AMDHD1: variants seen among roughly 807,000 people sequenced by gnomAD.
AMDHD1 encodes amidohydrolase domain containing 1, also known as probable imidazolonepropionase.
A neutral mutation model predicts 44.1 loss-of-function variants in AMDHD1; 45 were observed. That is an observed-to-expected ratio of 1.02 (90% CI 0.80 to 1.31). AMDHD1 has a LOEUF of 1.31. Among genes scored for constraint, AMDHD1 ranks in the 50% most tolerant of loss-of-function variants. The probability of loss-of-function intolerance (pLI) is 0.00; values close to 1 mark genes in which losing one functional copy is unlikely to be tolerated. For missense variants in AMDHD1, 586 were observed against 552.1 expected (o/e 1.06, Z -0.61); for synonymous variants, 206 against 205.0 (o/e 1.00, Z -0.04).
intron 1 of AMDHD1, among the ~76,000 whole-genome samples, chr12:95,945,479 A>G (rs183099072): frequency 1.3e-5 from 2 of 152,362 alleles, no homozygotes; most frequent in African/African-American, 4.8e-5. Context: ...TAGAATTGGA[A>G]TAATTATCTG....
At chr12:95,964,927 G>GAAAAAAA (rs2080601230) in intron 6 of AMDHD1, among the ~76,000 whole-genome samples, 2 of 9,696 alleles carry the variant, frequency 2.1e-4, no homozygotes, top group Non-Finnish European at 3.5e-4. Flanking sequence ...GATGTTTGAG[G>GAAAAAAA]CAAAAAAAAA....
intron 6 of AMDHD1, 28 bp downstream of exon 6, chr12:95,962,507 G>A (rs1345857887): frequency 2.4e-5 from 37 of 1,565,064 alleles, no homozygotes; most frequent in Non-Finnish European, 3.0e-5. Context: ...CCCAGACCAA[G>A]AGCTGCAAGT....
rs188784651 is a variant in AMDHD1 at position 95,961,388 on chromosome 12, C to T, written c.813+765C>T. ...TTAATTCACTTATTCATCCTTTCAA[C>T]AAATATTTGAATGAATACTGTGTGC... On this transcript the variant is annotated intron_variant, in intron 5 of 8. Transcript: ENST00000266736. Among the ~76,000 whole-genome samples, 302 of 152,314 alleles carry T rather than the reference C, an allele frequency of 2.0e-3. 1 individual carries two copies. The highest frequency in any genetic ancestry group is 3.0e-3 in the Non-Finnish European group (207 of 68,026).
chr12:95,945,261 A>C (rs2080490048), intron 1 of AMDHD1, among the ~76,000 whole-genome samples: 2 of 152,140 alleles, frequency 1.3e-5, no homozygotes, highest in Non-Finnish European at 1.5e-5. Flanking sequence ...GAGGGAGCTG[A>C]CTTGTGGTCT....
intron 1 of AMDHD1, among the ~76,000 whole-genome samples, chr12:95,949,149 AAAAAAAAAAAG>A (rs1433641202): frequency 1.1e-4 from 2 of 18,748 alleles, no homozygotes; most frequent in Non-Finnish European, 1.7e-4. Context: ...TTAAAAAAAA[AAAAAAAAAAAG>A]AAAAAAAAAA....
chr12:95,943,409 G>T lies in AMDHD1; in HGVS notation c.11G>T (p.Gly4Val). Residue 4 changes from glycine (G) to valine (V), a missense_variant, in exon 1 of 9, where the codon GGC becomes GTC. Gly to Val is a moderately radical substitution (Grantham distance 109). Transcript: ENST00000266736. MAS[G>V]HSLLLENAQQ... is the part of the protein sequence containing the mutation. ...TCGGCGCGAGGCGACATGGCAAGCG[G>T]CCACAGCCTCCTGCTGGAGAACGCG... The T allele has an allele frequency of 6.7e-7, 1 of 1,500,028 alleles. No individual in the cohort carries two copies. The highest frequency in any genetic ancestry group is 1.2e-5 in the South Asian group (1 of 81,114). The allele number at this position is 1,500,028 out of a possible 1,614,324, so 92.9% of individuals were successfully genotyped here.
intron 1 of AMDHD1, among the ~76,000 whole-genome samples, chr12:95,947,783 T>C (rs1301556853): frequency 8.5e-3 from 300 of 35,332 alleles, no homozygotes; most frequent in Non-Finnish European, 8.9e-3. Context: ...GCCCCCCGCC[T>C]GGCCAGCCGC....
intron 4 of AMDHD1, among the ~76,000 whole-genome samples, chr12:95,958,115 T>C (rs948302680): frequency 3.5e-4 from 53 of 152,128 alleles, no homozygotes; most frequent in African/African-American, 1.2e-3. Flanking sequence ...AGCATGTTGT[T>C]TTAAAATATG....
chr12:95,951,141 G>T (rs1287091027), intron 1 of AMDHD1, among the ~76,000 whole-genome samples: 1 of 152,032 alleles, frequency 6.6e-6, no homozygotes, highest in Non-Finnish European at 1.5e-5. Flanking sequence ...ATTGCTGATT[G>T]TAGTCACCCT....
intron 8 of AMDHD1, 145 bp from the exon 9 acceptor site, chr12:95,967,611 G>T: frequency 1.7e-6 from 1 of 601,694 alleles, no homozygotes; most frequent in Non-Finnish European, 2.8e-6. Context: ...AGTTATATAC[G>T]GTTTTTTAGA....
chr12:95,947,811 T>G (rs1169223530), intron 1 of AMDHD1, among the ~76,000 whole-genome samples: 2 of 57,200 alleles, frequency 3.5e-5, no homozygotes, highest in Non-Finnish European at 6.9e-5. Flanking sequence ...GGGAGGGAGG[T>G]GGGGGGGTCA....
intron 6 of AMDHD1, among the ~76,000 whole-genome samples, chr12:95,962,731 T>C (rs978263477): frequency 1.3e-5 from 2 of 152,228 alleles, no homozygotes; most frequent in African/African-American, 4.8e-5. Flanking sequence ...TTTTTCTTTT[T>C]CTTTTTTTTC....
At chr12:95,955,018 A>T (rs2080543512) in intron 3 of AMDHD1, 43 bp downstream of exon 3, 2 of 1,592,660 alleles carry the variant, frequency 1.3e-6, no homozygotes, top group Non-Finnish European at 1.7e-6. Context: ...AAGCACAAAT[A>T]TGAAGTCTTT....
Position 95,967,866 on chromosome 12 carries a change from T to C in AMDHD1, c.*23T>C. 1 of 1,453,110 alleles carries C rather than the reference T, an allele frequency of 6.9e-7. No homozygotes were observed. Among genetic ancestry groups the C allele is most frequent in the South Asian group, 1.3e-5 (1 of 79,206 alleles). 90.0% of individuals were successfully genotyped at this position (1,453,110 alleles called of 1,614,324 possible). A position where few individuals can be genotyped will look rare whatever the true frequency, so the allele number is the denominator to read the frequency against. ...TGATAGATTTGAAAAGAGAAGACTTTTTGACTATATGAAATAAGTCAATAT... is the reference window on the plus strand; with the variant it reads ...TGATAGATTTGAAAAGAGAAGACTTCTTGACTATATGAAATAAGTCAATAT... On this transcript the variant is annotated 3_prime_UTR_variant, in exon 9 of 9. Coordinates refer to ENST00000266736, the MANE Select transcript of AMDHD1 (RefSeq NM_152435.3).
intron 1 of AMDHD1, among the ~76,000 whole-genome samples, chr12:95,950,955 T>C (rs1466352239): frequency 6.6e-6 from 1 of 152,234 alleles, no homozygotes; most frequent in Non-Finnish European, 1.5e-5. Context: ...TTTTTAATTG[T>C]AAATTTTCAT....
rs766854784 is a variant in AMDHD1, at chr12:95,966,494, C to G, written c.1179C>G (p.Ile393Met). The G allele has an allele frequency of 6.2e-7, 1 of 1,614,230 alleles. No homozygotes were observed. The highest frequency in any genetic ancestry group is 1.3e-5 in the African/African-American group (1 of 75,062). Reference sequence around the variant, plus strand: ...TTGGCAAACAGGGAGATCTCATTATCATCAATTCATCCCGGTGAGTGTGCT... The same window carrying G: ...TTGGCAAACAGGGAGATCTCATTATGATCAATTCATCCCGGTGAGTGTGCT... ...LEVGKQGDLI[I>M]INSSRWEHLI... is the part of the protein sequence containing the mutation. The change falls in exon 8 of 9, where the codon ATC (isoleucine) becomes ATG (methionine). Residue 393 changes from isoleucine (I) to methionine (M), a missense_variant. Ile to Met is a conservative substitution (Grantham distance 10). Coordinates refer to ENST00000266736, the MANE Select transcript of AMDHD1 (RefSeq NM_152435.3).
intron 6 of AMDHD1, among the ~76,000 whole-genome samples, chr12:95,962,791 A>G (rs75112866): frequency 0.018 from 2,765 of 152,168 alleles, 86 homozygotes; most frequent in African/African-American, 0.063. Flanking sequence ...CATTACTTTT[A>G]TAATTAGTAA....
At chr12:95,943,864 G>A (rs7956351) in intron 1 of AMDHD1, among the ~76,000 whole-genome samples, 31,885 of 152,054 alleles carry the variant, frequency 0.21, 3,875 homozygotes, top group East Asian at 0.45. Flanking sequence ...TGTCAGGGTG[G>A]CCTGTGGTTA....
intron 1 of AMDHD1, 129 bp from the exon 2 acceptor site, chr12:95,952,588 T>G (rs1592822338): frequency 1.6e-6 from 1 of 623,604 alleles, no homozygotes. Context: ...CAGACTCAGG[T>G]TCAAGATAGA....
Sources: gnomAD v4.1 joint callset for allele counts (sites outside exome capture counted in the v4.1 genomes callset) on GRCh38, gnomAD v4.1.1 for gene constraint, MANE v1.5 for transcripts, NCBI Gene and HGNC (gene_info 2026-07-23, HGNC 2026-07-21) for gene names.